The following ZNF827 variants were observed in gnomAD, a reference collection of about 807,000 sequenced individuals.
The protein encoded by ZNF827 is zinc finger protein 827.
In ZNF827, 13 loss-of-function variants were observed where a neutral mutation model predicts 102.4. The observed-to-expected ratio is 0.13, with a 90% CI of 0.08 to 0.20. The LOEUF is 0.20. ZNF827 is among the 10% of genes least tolerant of loss of function. The pLI is 1.00. For synonymous variants in ZNF827, 523 were observed against 536.2 expected (o/e 0.98, Z 0.34); for missense variants, 1,103 against 1,344.4 (o/e 0.82, Z 2.81).
chr4:145,840,415 C>G (rs1014355654), intron 7 of ZNF827, among the ~76,000 whole-genome samples: 1 of 152,200 alleles, frequency 6.6e-6, no homozygotes, highest in Non-Finnish European at 1.5e-5. Context: ...TACAATGGCA[C>G]CATGAGGCCC....
chr4:145,846,037 T>C (rs753909410), intron 6 of ZNF827, 24 bp from the exon 7 acceptor site: 4 of 1,613,106 alleles, frequency 2.5e-6, no homozygotes, highest in Non-Finnish European at 2.5e-6. Flanking sequence ...GAATGAAACA[T>C]ACACCTCTTA....
intron 4 of ZNF827, among the ~76,000 whole-genome samples, chr4:145,874,749 G>A (rs975845647): frequency 1.3e-5 from 2 of 152,172 alleles, no homozygotes; most frequent in Non-Finnish European, 2.9e-5. Context: ...CACAACACCT[G>A]CCTTGACTTC....
In ZNF827 at chr4:145,823,534, G is replaced by C; in HGVS notation, c.2280-9C>G. ...CTTCTGAAAAGAAAGGGCTGGGGTG[G>C]GGGAGGGGGAGTGAAGTTTAGTAAA... On this transcript the variant is annotated splice_polypyrimidine_tract_variant and intron_variant, in intron 7 of 14. Transcript: ENST00000508784. 6.3e-7 allele frequency: 1 copy of C among 1,574,954 alleles called. No individual in the cohort carries two copies. Among genetic ancestry groups the C allele is most frequent in the African/African-American group, 1.3e-5 (1 of 74,096 alleles).
chr4:145,924,263 T>C (rs2126972861), intron 1 of ZNF827, among the ~76,000 whole-genome samples: 1 of 152,290 alleles, frequency 6.6e-6, no homozygotes, highest in Admixed American at 6.5e-5. Flanking sequence ...AGGGTAACTC[T>C]TAGGAGACAG....
chr4:145,856,498 C>G (rs1332519123), intron 5 of ZNF827, among the ~76,000 whole-genome samples: 1 of 152,180 alleles, frequency 6.6e-6, no homozygotes. Context: ...TGCAAGCCTG[C>G]TCCCAGGCCT....
In ZNF827 at chr4:145,836,719, G is replaced by A. The variant is rs377579248; in HGVS notation, c.2279+9237C>T. 1.4e-4 allele frequency among the ~76,000 whole-genome samples: 21 copies of A among 151,904 alleles called. No individual in the cohort carries two copies. In the East Asian group the frequency reaches 2.7e-3, roughly 20 times the overall value. On this transcript the variant is annotated intron_variant, in intron 7 of 14. Coordinates refer to ENST00000508784, the MANE Select transcript of ZNF827 (RefSeq NM_001306215.2). ...CTTTCCTGTTCCTCACCCTGATCAC[G>A]CTTGATTTATTGATGGCGGTTCCAC...
At chr4:145,850,638 A>T (rs2126662736) in intron 5 of ZNF827, among the ~76,000 whole-genome samples, 1 of 152,342 alleles carries the variant, frequency 6.6e-6, no homozygotes, top group East Asian at 1.9e-4. Context: ...AACATCTTTG[A>T]AACAAGGTGG....
At chr4:145,836,302 A>G (rs1045669605) in intron 7 of ZNF827, among the ~76,000 whole-genome samples, 1 of 151,956 alleles carries the variant, frequency 6.6e-6, no homozygotes, top group Non-Finnish European at 1.5e-5. Context: ...CGCGGTCAGA[A>G]TTCTTACACA....
chr4:145,833,649 CTT>C (rs1307262328), intron 7 of ZNF827, among the ~76,000 whole-genome samples: 1 of 151,908 alleles, frequency 6.6e-6, no homozygotes. Context: ...ACCCCAACCT[CTT>C]ATCTCTGTGC....
intron 8 of ZNF827, 42 bp from the exon 9 acceptor site, chr4:145,779,553 A>G: frequency 1.9e-6 from 3 of 1,599,128 alleles, no homozygotes; most frequent in Non-Finnish European, 2.6e-6. Context: ...TAAGGCAACA[A>G]GAATACATTT....
At chr4:145,927,506 T>C (rs1753514850) in intron 1 of ZNF827, among the ~76,000 whole-genome samples, 2 of 152,192 alleles carry the variant, frequency 1.3e-5, no homozygotes, top group African/African-American at 4.8e-5. Context: ...ATCTTAAGTC[T>C]TTGAGGAGGG....
chr4:145,910,225 T>C (rs1447859266), intron 1 of ZNF827, among the ~76,000 whole-genome samples: 1 of 151,874 alleles, frequency 6.6e-6, no homozygotes, highest in Non-Finnish European at 1.5e-5. Flanking sequence ...TGACCGTGAG[T>C]AAAATAAAGG....
At chr4:145,909,336 G>T (rs1447726313) in intron 1 of ZNF827, among the ~76,000 whole-genome samples, 1 of 152,196 alleles carries the variant, frequency 6.6e-6, no homozygotes, top group Non-Finnish European at 1.5e-5. Flanking sequence ...AATTTTCTCA[G>T]TTCCTGTACC....
intron 7 of ZNF827, among the ~76,000 whole-genome samples, chr4:145,838,342 T>A (rs1745083786): frequency 6.6e-6 from 1 of 152,124 alleles, no homozygotes; most frequent in Admixed American, 6.5e-5. Context: ...CCCCTTTGAC[T>A]GTAATTTTCT....
At chr4:145,836,031 C>A (rs373120471) in intron 7 of ZNF827, among the ~76,000 whole-genome samples, 1 of 151,576 alleles carries the variant, frequency 6.6e-6, no homozygotes, top group Non-Finnish European at 1.5e-5. Flanking sequence ...TTGCACCCTT[C>A]ATCCCAGCCT....
intron 5 of ZNF827, among the ~76,000 whole-genome samples, chr4:145,861,747 C>T (rs1355927024): frequency 6.6e-6 from 1 of 152,192 alleles, no homozygotes; most frequent in East Asian, 1.9e-4. Flanking sequence ...CCAGACCCCT[C>T]CCTGCCCTAG....
At chr4:145,776,084 A>G in intron 9 of ZNF827, 124 bp from the exon 10 acceptor site, 1 of 1,075,938 alleles carries the variant, frequency 9.3e-7, no homozygotes, top group Non-Finnish European at 1.4e-6. Context: ...GATGGAGACA[A>G]TGGTAATGCC....
At chr4:145,891,453 C>T (rs1354680549) in intron 3 of ZNF827, among the ~76,000 whole-genome samples, 1 of 152,194 alleles carries the variant, frequency 6.6e-6, no homozygotes, top group Non-Finnish European at 1.5e-5. Flanking sequence ...TTTGCATTAA[C>T]GGAGTCAGCT....
At chr4:145,802,227 T>A (rs1740983163) in intron 8 of ZNF827, among the ~76,000 whole-genome samples, 1 of 152,228 alleles carries the variant, frequency 6.6e-6, no homozygotes, top group African/African-American at 2.4e-5. Context: ...CTGAAAAGCA[T>A]TTCAGAGACA....
Sources: allele counts gnomAD v4.1 joint callset (sites outside exome capture counted in the v4.1 genomes callset), GRCh38; gene constraint gnomAD v4.1.1; transcripts MANE v1.5; gene names NCBI Gene and HGNC (gene_info 2026-07-23, HGNC 2026-07-21).